ITGA4: variants seen among roughly 807,000 people sequenced by gnomAD.
ITGA4 encodes the protein integrin alpha-4.
ITGA4 carries 63 observed loss-of-function variants against 133.6 expected under a neutral mutation model. The ratio of observed to expected loss-of-function variants is 0.47; its 90% CI spans 0.38 to 0.58. The LOEUF (loss-of-function observed/expected upper bound fraction) is 0.58, where lower values mean the gene tolerates loss of function less well. ITGA4 is among the 20% of genes least tolerant of loss of function. ITGA4 has a pLI of 0.00. For synonymous variants in ITGA4, 483 were observed against 438.0 expected (o/e 1.10, Z -1.28); for missense variants, 1,076 against 1,252.7 (o/e 0.86, Z 2.13).
rs781321170 is a variant in ITGA4 at position 181,529,653 on chromosome 2, A to C, written c.2538+5A>C. On this transcript the variant is annotated splice_donor_5th_base_variant and intron_variant, in intron 23 of 27. Coordinates refer to ENST00000397033, the MANE Select transcript of ITGA4 (RefSeq NM_000885.6). ...TTCAACATTTTGGATGTCCAGGTAAAAATGTATTTCTTCCATCTAACCTTT... is the reference window on the plus strand; with the variant it reads ...TTCAACATTTTGGATGTCCAGGTAACAATGTATTTCTTCCATCTAACCTTT... 6.9e-7 allele frequency: 1 copy of C among 1,443,074 alleles called. No homozygotes were observed. The highest frequency in any genetic ancestry group is 1.7e-5 in the Admixed American group (1 of 59,068). 89.4% of individuals were successfully genotyped at this position (1,443,074 alleles called of 1,614,324 possible).
chr2:181,532,065 A>G (rs72883635), intron 25 of ITGA4, among the ~76,000 whole-genome samples: 15,003 of 152,194 alleles, frequency 0.099, 1,007 homozygotes, highest in East Asian at 0.22. Context: ...ACTTGAGGCC[A>G]GGAGTTCGAG....
intron 10 of ITGA4, 21 bp from the exon 11 acceptor site, chr2:181,493,304 A>G (rs1686094250): frequency 6.6e-7 from 1 of 1,523,592 alleles, no homozygotes; most frequent in South Asian, 1.2e-5. Context: ...TTATTTTTCC[A>G]TTGTTTAAAT....
chr2:181,470,067 T>TA (rs201661642), intron 2 of ITGA4, among the ~76,000 whole-genome samples: 106 of 146,152 alleles, frequency 7.3e-4, no homozygotes, highest in African/African-American at 1.3e-3. Flanking sequence ...AGTATAATAA[T>TA]AAAAAAAAAA....
At chr2:181,527,564 ACTTGT>A in intron 22 of ITGA4, 177 bp downstream of exon 22, 1 of 525,434 alleles carries the variant, frequency 1.9e-6, no homozygotes, top group Middle Eastern at 3.0e-4. Flanking sequence ...CTTTCCTTCC[ACTTGT>A]CTTGTCCCTG....
chr2:181,464,966 T>C (rs1480721177), intron 2 of ITGA4, among the ~76,000 whole-genome samples: 1 of 152,170 alleles, frequency 6.6e-6, no homozygotes, highest in Non-Finnish European at 1.5e-5. Context: ...CTTTTTTATA[T>C]AAACTATGTA....
chr2:181,538,759 C>T lies in ITGA4; in HGVS notation c.*3232C>T, dbSNP rs1687337665. Reference sequence around the variant, plus strand: ...CTAACACTTTACTATTCAGATGGCTCCACTAAAAGATTTAAGATCTTGATC... The same window carrying T: ...CTAACACTTTACTATTCAGATGGCTTCACTAAAAGATTTAAGATCTTGATC... On this transcript the variant is annotated 3_prime_UTR_variant, in exon 28 of 28. Coordinates refer to ENST00000397033, the MANE Select transcript of ITGA4 (RefSeq NM_000885.6). 6.6e-6 allele frequency among the ~76,000 whole-genome samples: 1 copy of T among 152,078 alleles called. No homozygotes were observed. The highest frequency in any genetic ancestry group is 1.5e-5 in the Non-Finnish European group (1 of 67,992).
chr2:181,517,560 C>T (rs1044266905), intron 17 of ITGA4, among the ~76,000 whole-genome samples: 6 of 152,052 alleles, frequency 3.9e-5, no homozygotes, highest in Non-Finnish European at 8.8e-5. Context: ...AACTATGAGT[C>T]CCAGGGACAG....
chr2:181,522,235 C>T lies in ITGA4; in HGVS notation c.1967C>T (p.Thr656Ile), dbSNP rs200586476. ...TATCTTGCTGTTGGGAGTATGAAGA[C>T]ATTGATGTTGAATGTGTCCTTGTTT... Reference protein sequence around the residue: ...KTYLAVGSMKTLMLNVSLFNA... With the variant: ...KTYLAVGSMKILMLNVSLFNA... The change falls in exon 18 of 28, where the codon ACA (threonine) becomes ATA (isoleucine). Residue 656 changes from threonine (T) to isoleucine (I), a missense_variant. Thr to Ile is a moderately conservative substitution (Grantham distance 89, BLOSUM62 -1). Around this residue, in one of 4 missense-constraint regions of ITGA4, gnomAD observed 365 missense variants for 421.4 expected, o/e 0.87. Transcript: ENST00000397033. The T allele has an allele frequency of 1.3e-6, 2 of 1,557,016 alleles. No homozygotes were observed. The highest frequency in any genetic ancestry group is 2.7e-5 in the African/African-American group (2 of 72,950).
In ITGA4 at chr2:181,538,010, T is replaced by C. The variant is rs1379196107; in HGVS notation, c.*2483T>C. 1 of 685,796 alleles carries C rather than the reference T, an allele frequency of 1.5e-6. No individual in the cohort carries two copies. Among genetic ancestry groups the C allele is most frequent in the Non-Finnish European group, 2.7e-6 (1 of 365,574 alleles). The allele number at this position is 685,796 out of a possible 1,614,324, so 42.5% of individuals were successfully genotyped here. On this transcript the variant is annotated 3_prime_UTR_variant, in exon 28 of 28. Transcript: ENST00000397033. Reference sequence around the variant, plus strand: ...TGCCATGTTCCTCAAGAGAATCTAATGCCTGATGATCTGAGGTGGAACAGT... The same window carrying C: ...TGCCATGTTCCTCAAGAGAATCTAACGCCTGATGATCTGAGGTGGAACAGT...
At chr2:181,490,582 G>C (rs1193705384) in intron 10 of ITGA4, among the ~76,000 whole-genome samples, 2 of 151,482 alleles carry the variant, frequency 1.3e-5, no homozygotes, top group Non-Finnish European at 2.9e-5. Context: ...TATTAGGAAG[G>C]GAAATTTGGG....
intron 21 of ITGA4, among the ~76,000 whole-genome samples, chr2:181,525,794 C>A (rs888888909): frequency 6.6e-6 from 1 of 152,170 alleles, no homozygotes; most frequent in Non-Finnish European, 1.5e-5. Context: ...CCAGATTCCT[C>A]AACCACAGTA....
At chr2:181,529,952 G>GT (rs2105771163) in intron 23 of ITGA4, among the ~76,000 whole-genome samples, 1 of 152,248 alleles carries the variant, frequency 6.6e-6, no homozygotes, top group South Asian at 2.1e-4. Context: ...ACCTATAGAG[G>GT]TAACTTCTAT....
In ITGA4 at chr2:181,457,433, A is replaced by C. The variant is rs1685146302; in HGVS notation, c.-222A>C. The C allele has an allele frequency of 4.1e-6, 2 of 489,534 alleles. No homozygotes were observed. 30.3% of individuals were successfully genotyped at this position (489,534 alleles called of 1,614,324 possible). ...CTCCCGGCTGGCGGCAGAAACCGGG[A>C]GTGGGGCCGGGCGAGTGCGCGGCAT... On this transcript the variant is annotated 5_prime_UTR_variant, in exon 1 of 28. Coordinates refer to ENST00000397033, the MANE Select transcript of ITGA4 (RefSeq NM_000885.6).
intron 2 of ITGA4, among the ~76,000 whole-genome samples, chr2:181,462,159 A>C (rs541841117): frequency 6.6e-6 from 1 of 152,172 alleles, no homozygotes; most frequent in Non-Finnish European, 1.5e-5. Context: ...CTATCTCTTT[A>C]GGAGATGCTT....
At chr2:181,482,762 G>A in intron 9 of ITGA4, 111 bp downstream of exon 9, 1 of 988,548 alleles carries the variant, frequency 1.0e-6, no homozygotes, top group South Asian at 1.5e-5. Flanking sequence ...ATTGACAAAA[G>A]TTAAAATTCT....
intron 2 of ITGA4, among the ~76,000 whole-genome samples, chr2:181,473,612 C>T (rs575697586): frequency 6.6e-6 from 1 of 152,162 alleles, no homozygotes; most frequent in Non-Finnish European, 1.5e-5. Context: ...AAACATCTTC[C>T]CACACTCCTT....
intron 9 of ITGA4, among the ~76,000 whole-genome samples, chr2:181,485,213 A>G (rs770335300): frequency 8.5e-5 from 13 of 152,130 alleles, no homozygotes; most frequent in Non-Finnish European, 1.9e-4. Context: ...TTCCTCGACA[A>G]TCAAGACGCT....
At chr2:181,471,329 TAC>T (rs1685545491) in intron 2 of ITGA4, among the ~76,000 whole-genome samples, 1 of 152,320 alleles carries the variant, frequency 6.6e-6, no homozygotes, top group Admixed American at 6.5e-5. Flanking sequence ...ATGACAAAGA[TAC>T]AGTCCTGGGC....
At chr2:181,479,942 G>C (rs1685766385) in intron 5 of ITGA4, among the ~76,000 whole-genome samples, 195 bp from the exon 6 acceptor site, 1 of 150,688 alleles carries the variant, frequency 6.6e-6, no homozygotes, top group Non-Finnish European at 1.5e-5. Flanking sequence ...TCTTCTCTGA[G>C]ATTTCGCTTT....
Sources: allele counts gnomAD v4.1 joint callset (sites outside exome capture counted in the v4.1 genomes callset), GRCh38; gene constraint gnomAD v4.1.1; regional missense constraint gnomAD v4.1.1; transcripts MANE v1.5; gene names NCBI Gene and HGNC (gene_info 2026-07-23, HGNC 2026-07-21).